The following INSL5 variants were observed in gnomAD, a reference collection of about 807,000 sequenced individuals.
The protein encoded by INSL5 is insulin-like peptide INSL5.
INSL5 carries 3 observed loss-of-function variants against 4.3 expected under a neutral mutation model. The observed-to-expected ratio is 0.70, with a 90% confidence interval of 0.32 to 1.82. INSL5 has a LOEUF of 1.82. Among genes scored for constraint, INSL5 ranks in the 40% most tolerant of loss-of-function variants. The pLI is 0.08. For missense variants in INSL5, 168 were observed against 160.9 expected (o/e 1.04, Z -0.24); for synonymous variants, 68 against 56.6 (o/e 1.20, Z -0.90).
chr1:66,798,083 G>T lies in INSL5; in HGVS notation c.338C>A (p.Ser113Ter), dbSNP rs764889673. 18 of 1,613,980 alleles carry T rather than the reference G, an allele frequency of 1.1e-5. No homozygotes were observed. Residue 113 changes from serine (S) to a stop codon, truncating the protein, a stop_gained, in exon 2 of 2, where the codon TCA becomes TAA. Transcript: ENST00000304526. LOFTEE classifies it low-confidence loss of function (END_TRUNC). ...ACACAAAGTTTGTAAATCTTGTCTT[G>T]ACATCACTGAATGCTTCTTTGACTT... ...LWKSKKHSVMSRQDLQTLCCT... is the reference protein window; with the variant it reads ...LWKSKKHSVM
chr1:66,800,161 G>A (rs1315012551), intron 1 of INSL5, among the ~76,000 whole-genome samples: 1 of 152,074 alleles, frequency 6.6e-6, no homozygotes, highest in South Asian at 2.1e-4. Context: ...TAGTTGAATT[G>A]AATAATAAAG....
Position 66,800,128 on chromosome 1 carries a change from G to T in INSL5, c.175+919C>A, listed in dbSNP as rs564323665. Among the ~76,000 whole-genome samples the T allele has an allele frequency of 1.9e-4, 29 of 152,160 alleles. 1 individual carries two copies. In the South Asian group the frequency reaches 5.8e-3, roughly 31 times the overall value. On this transcript the variant is annotated intron_variant, in intron 1 of 1. Transcript: ENST00000304526. Reference sequence around the variant, plus strand: ...TACTTTAATATGGAATTAACAGAAAGAATTTCAGTCAAATTTTTAAGTTAG... The same window carrying T: ...TACTTTAATATGGAATTAACAGAAATAATTTCAGTCAAATTTTTAAGTTAG...
Position 66,798,289 on chromosome 1 carries a change from A to G in INSL5, c.176-44T>C, listed in dbSNP as rs373019230. ...AATAATACATCCTTAGACAGCTCCT[A>G]CAAAGAAGGCAGCAACCACATTCCA... On this transcript the variant is annotated intron_variant, in intron 1 of 1. Coordinates refer to ENST00000304526, the MANE Select transcript of INSL5 (RefSeq NM_005478.6). 9.9e-6 allele frequency: 14 copies of G among 1,410,792 alleles called. No homozygotes were observed. The African/African-American group carries it at 1.3e-4, about 13-fold the overall frequency. 87.4% of individuals were successfully genotyped at this position (1,410,792 alleles called of 1,614,324 possible).
At chr1:66,800,384 G>A (rs1433131898) in intron 1 of INSL5, among the ~76,000 whole-genome samples, 2 of 151,888 alleles carry the variant, frequency 1.3e-5, no homozygotes, top group Non-Finnish European at 2.9e-5. Context: ...TTTGTAATAG[G>A]TGACATTTTG....
chr1:66,798,646 G>A (rs894584907), intron 1 of INSL5, among the ~76,000 whole-genome samples: 1 of 152,186 alleles, frequency 6.6e-6, no homozygotes, highest in Admixed American at 6.5e-5. Flanking sequence ...GAAGGAAATG[G>A]AGATTTAAAC....
rs745534239 is a variant in INSL5, at chr1:66,801,147, A to G, written c.75T>C (p.Ser25=). ...TGTATTCTAGCCCACAGAGTCTCAC[A>G]GACTCCTTGCTCCGCACTTCTGAGA... The part of the protein sequence containing the change: ...FAISEVRSKE[S]VRLCGLEYIR... Residue 25 remains serine (S), a synonymous_variant, in exon 1 of 2, where the codon TCT becomes TCC. Transcript: ENST00000304526. 50 of 1,613,206 alleles carry G rather than the reference A, an allele frequency of 3.1e-5. No individual in the cohort carries two copies. The highest frequency in any genetic ancestry group is 4.1e-5 in the Non-Finnish European group (48 of 1,179,128).
intron 1 of INSL5, 39 bp from the exon 2 acceptor site, chr1:66,798,284 C>A (rs970309348): frequency 1.4e-6 from 2 of 1,458,340 alleles, no homozygotes; most frequent in East Asian, 2.3e-5. Flanking sequence ...CCTTAGACAG[C>A]TCCTACAAAG....
At chr1:66,800,882 A>G (rs192276728) in intron 1 of INSL5, among the ~76,000 whole-genome samples, 165 bp downstream of exon 1, 1 of 152,352 alleles carries the variant, frequency 6.6e-6, no homozygotes, top group East Asian at 1.9e-4. Flanking sequence ...CACTTTCCCA[A>G]GCCAAATTCA....
intron 1 of INSL5, 54 bp from the exon 2 acceptor site, chr1:66,798,299 C>T (rs928829546): frequency 8.2e-7 from 1 of 1,214,142 alleles, no homozygotes; most frequent in Non-Finnish European, 1.2e-6. Flanking sequence ...ACAAAGAAGG[C>T]AGCAACCACA....
At chr1:66,799,773 T>C (rs1367255142) in intron 1 of INSL5, among the ~76,000 whole-genome samples, 1 of 152,202 alleles carries the variant, frequency 6.6e-6, no homozygotes, top group East Asian at 1.9e-4. Context: ...TTTTCAGCCA[T>C]GCCCAGTGGC....
chr1:66,799,075 T>G (rs1645358753), intron 1 of INSL5, among the ~76,000 whole-genome samples: 1 of 152,214 alleles, frequency 6.6e-6, no homozygotes, highest in Non-Finnish European at 1.5e-5. Flanking sequence ...ATATAATTTT[T>G]GTTAGCAACT....
At chr1:66,798,298 G>T in intron 1 of INSL5, 53 bp from the exon 2 acceptor site, 1 of 1,252,728 alleles carries the variant, frequency 8.0e-7, no homozygotes, top group Non-Finnish European at 1.2e-6. Flanking sequence ...TACAAAGAAG[G>T]CAGCAACCAC....
chr1:66,799,377 C>T (rs1645360137), intron 1 of INSL5, among the ~76,000 whole-genome samples: 1 of 152,042 alleles, frequency 6.6e-6, no homozygotes, highest in Non-Finnish European at 1.5e-5. Context: ...CATGATCTCA[C>T]TGATATGTGG....
Position 66,798,254 on chromosome 1 carries a change from A to G in INSL5, c.176-9T>C. ...GGAGTTTCCTGTCTCAGCTGTATGG[A>G]AGAGAAAAAAATAATACATCCTTAG... On this transcript the variant is annotated splice_polypyrimidine_tract_variant and intron_variant, in intron 1 of 1. Transcript: ENST00000304526. The G allele has an allele frequency of 6.3e-7, 1 of 1,597,704 alleles. No individual in the cohort carries two copies. The highest frequency in any genetic ancestry group is 8.6e-7 in the Non-Finnish European group (1 of 1,165,482).
intron 1 of INSL5, among the ~76,000 whole-genome samples, chr1:66,800,306 T>C (rs1252457794): frequency 1.3e-5 from 2 of 152,004 alleles, no homozygotes; most frequent in Admixed American, 1.3e-4. Flanking sequence ...AATCCCCAAA[T>C]CCTTCAGGGC....
chr1:66,801,181 A>G lies in INSL5; in HGVS notation c.41T>C (p.Leu14Pro), dbSNP rs1437384497. The G allele has an allele frequency of 6.2e-7, 1 of 1,613,584 alleles. No individual in the cohort carries two copies. The highest frequency in any genetic ancestry group is 8.5e-7 in the Non-Finnish European group (1 of 1,179,612). The change falls in exon 1 of 2, where the codon CTA becomes CCA. Residue 14 changes from leucine (L) to proline (P), a missense_variant. Leu to Pro is a moderately conservative substitution (Grantham distance 98). Transcript: ENST00000304526. ...SIFTLFLFSVLFAISEVRSKE... is the reference protein window; with the variant it reads ...SIFTLFLFSVPFAISEVRSKE... ...GCTCCGCACTTCTGAGATGGCAAATAGGACAGAGAATAAAAACAGAGTGAA... is the reference window on the plus strand; with the variant it reads ...GCTCCGCACTTCTGAGATGGCAAATGGGACAGAGAATAAAAACAGAGTGAA...
chr1:66,799,502 A>C (rs1572563039), intron 1 of INSL5, among the ~76,000 whole-genome samples: 1 of 152,180 alleles, frequency 6.6e-6, no homozygotes, highest in East Asian at 1.9e-4. Context: ...TTCCATTAGA[A>C]GGAATAATTT....
chr1:66,797,936 G>T lies in INSL5; in HGVS notation c.*77C>A. ...CCATCATTTTAATAACACAATATTA[G>T]TGTTCTACCAGGCAGTAAAACACTG... On this transcript the variant is annotated 3_prime_UTR_variant, in exon 2 of 2. Transcript: ENST00000304526. The T allele has an allele frequency of 1.0e-6, 1 of 1,003,322 alleles. No individual in the cohort carries two copies. Among genetic ancestry groups the T allele is most frequent in the South Asian group, 1.5e-5 (1 of 68,170 alleles). 62.2% of individuals were successfully genotyped at this position (1,003,322 alleles called of 1,614,324 possible). A position where few individuals can be genotyped will look rare whatever the true frequency, so the allele number is the denominator to read the frequency against.
chr1:66,800,971 TG>T, intron 1 of INSL5, 75 bp downstream of exon 1: 1 of 1,090,072 alleles, frequency 9.2e-7, no homozygotes, highest in Non-Finnish European at 1.3e-6. Flanking sequence ...AATAAAATAA[TG>T]GTTTAAAACA....
Sources: gnomAD v4.1 joint callset for allele counts (sites outside exome capture counted in the v4.1 genomes callset) on GRCh38, gnomAD v4.1.1 for gene constraint, MANE v1.5 for transcripts, NCBI Gene and HGNC (gene_info 2026-07-23, HGNC 2026-07-21) for gene names.